Variants in POLM observed in about 807,000 individuals in gnomAD.
POLM encodes the protein DNA polymerase mu.
In POLM, 52 loss-of-function variants were observed where a neutral mutation model predicts 56.7. The ratio of observed to expected loss-of-function variants is 0.92; its 90% CI spans 0.73 to 1.15. The LOEUF is 1.15. Ranked by LOEUF, POLM falls within the 50% of genes most tolerant of loss-of-function variation. The probability of loss-of-function intolerance (pLI) is 0.00; values close to 1 mark genes in which losing one functional copy is unlikely to be tolerated. For synonymous variants in POLM, 273 were observed against 274.3 expected (o/e 1.00, Z 0.05); for missense variants, 660 against 663.6 (o/e 0.99, Z 0.06).
rs199923130 is a variant in POLM at position 44,074,470 on chromosome 7, T to G, written c.896A>C (p.Gln299Pro). ...CCCCACAGCTTCCTCCACCACCTGC[T>G]GCAGGGCATCTACATCGGACCGCAG... ...PVLRSDVDAL[Q>P]QVVEEAVGQA... Residue 299 changes from glutamine to proline, a missense_variant, in exon 7 of 11, where the codon CAG (glutamine) becomes CCG (proline). Transcript: ENST00000242248. 6.9e-6 allele frequency: 11 copies of G among 1,595,154 alleles called. No individual in the cohort carries two copies. Among genetic ancestry groups the G allele is most frequent in the Non-Finnish European group, 9.4e-6 (11 of 1,171,462 alleles).
At chr7:44,073,740 G>A (rs746743170) in intron 9 of POLM, 32 bp from the exon 10 acceptor site, 29 of 1,613,960 alleles carry the variant, frequency 1.8e-5, no homozygotes, top group Middle Eastern at 3.3e-4. Flanking sequence ...CAGCAGGGCT[G>A]GCCCAGCCCC....
At chr7:44,079,179 C>T (rs2096192219) in intron 4 of POLM, among the ~76,000 whole-genome samples, 2 of 152,212 alleles carry the variant, frequency 1.3e-5, no homozygotes, top group South Asian at 4.1e-4. Flanking sequence ...TTAAAAGCAT[C>T]TTCTGTCACT....
rs368597928 is a variant in POLM, at chr7:44,073,898, G to C, written c.1199C>G (p.Ala400Gly). The part of the protein sequence containing the change: ...CIFRLPQPPG[A>G]AVGGSTRPCP... Reference sequence around the variant, plus strand: ...GGGCCTCGTGGATCCCCCCACAGCAGCCCCTGGAGGTTGTGGTAGGCGGAA... The same window carrying C: ...GGGCCTCGTGGATCCCCCCACAGCACCCCCTGGAGGTTGTGGTAGGCGGAA... The change falls in exon 9 of 11, where the codon GCT (alanine) becomes GGT (glycine). Residue 400 changes from alanine to glycine, a missense_variant. Coordinates refer to ENST00000242248, the MANE Select transcript of POLM (RefSeq NM_013284.4). The C allele has an allele frequency of 8.7e-5, 140 of 1,614,130 alleles. No individual in the cohort carries two copies. Among genetic ancestry groups the C allele is most frequent in the Non-Finnish European group, 1.1e-4 (129 of 1,180,044 alleles).
At position 44,080,015 on chromosome 7, in the gene POLM, A is replaced by G; in HGVS notation, c.373-56T>C. On this transcript the variant is annotated intron_variant, in intron 2 of 10. Transcript: ENST00000242248. ...AGGCTGCAGGGCTGGCAGGAGAGCC[A>G]GGCCGTACTCAGGCTTTGTTTCTCC... The G allele has an allele frequency of 3.1e-6, 4 of 1,292,212 alleles. No homozygotes were observed. The South Asian group carries it at 4.8e-5, about 16-fold the overall frequency. 80.0% of individuals were successfully genotyped at this position (1,292,212 alleles called of 1,614,324 possible).
chr7:44,073,789 G>C lies in POLM; in HGVS notation c.1308C>G (p.Gly436=), dbSNP rs761040422. ...QFPFALLGWT[G]SKLFQRELRR... ...CCAGCGGCACACTGCCTACCTTGGA[G>C]CCAGTCCAACCGAGCAGGGCGAAAG... Residue 436 remains glycine, a synonymous_variant, in exon 9 of 11, where the codon GGC becomes GGG. Coordinates refer to ENST00000242248, the MANE Select transcript of POLM (RefSeq NM_013284.4). 1 of 1,614,108 alleles carries C rather than the reference G, an allele frequency of 6.2e-7. No individual in the cohort carries two copies. The highest frequency in any genetic ancestry group is 8.5e-7 in the Non-Finnish European group (1 of 1,179,956).
intron 1 of POLM, 23 bp downstream of exon 1, chr7:44,082,228 C>G: frequency 7.0e-7 from 1 of 1,424,948 alleles, no homozygotes; most frequent in Non-Finnish European, 9.1e-7. Context: ...TGGAAGCCCT[C>G]GCCGCGCCGC....
chr7:44,072,904 C>A lies in POLM; in HGVS notation c.*387G>T. The A allele has an allele frequency of 2.0e-6, 1 of 492,822 alleles. No homozygotes were observed. The highest frequency in any genetic ancestry group is 3.6e-6 in the Non-Finnish European group (1 of 281,640). 30.5% of individuals were successfully genotyped at this position (492,822 alleles called of 1,614,324 possible). On this transcript the variant is annotated 3_prime_UTR_variant, in exon 11 of 11. Coordinates refer to ENST00000242248, the MANE Select transcript of POLM (RefSeq NM_013284.4). ...TCTGGGCAGGGTGCCCTGCAGGAGCCACAGTTAACTGCAGTGCAACTAATG... is the reference window on the plus strand; with the variant it reads ...TCTGGGCAGGGTGCCCTGCAGGAGCAACAGTTAACTGCAGTGCAACTAATG...
chr7:44,076,812 G>A (rs1396080873), intron 5 of POLM, 183 bp from the exon 6 acceptor site: 15 of 679,038 alleles, frequency 2.2e-5, no homozygotes, highest in South Asian at 3.8e-5. Context: ...CCAGCCTGCC[G>A]TCTCTGGGAA....
chr7:44,080,343 C>T (rs1351039942), intron 2 of POLM: 3 of 541,350 alleles, frequency 5.5e-6, no homozygotes, highest in African/African-American at 1.9e-5. Context: ...TGAAGGCAGG[C>T]AACCTGGCCC....
chr7:44,074,284 G>T (rs755417405), intron 7 of POLM, 51 bp from the exon 8 acceptor site: 1 of 1,542,920 alleles, frequency 6.5e-7, no homozygotes. Flanking sequence ...GCTCACTCCA[G>T]CCCCAGGCCA....
At position 44,076,576 on chromosome 7, in the gene POLM, C is replaced by G; in HGVS notation, c.768G>C (p.Arg256=). 1 of 1,614,152 alleles carries G rather than the reference C, an allele frequency of 6.2e-7. No individual in the cohort carries two copies. Among genetic ancestry groups the G allele is most frequent in the Non-Finnish European group, 8.5e-7 (1 of 1,180,030 alleles). ...VGVKTADRWY[R]EGLRTLDDLR... ...GGTCATCTAAGGTTCGCAGTCCTTC[C>G]CGGTACCACCGGTCAGCAGTCTTCA... The change falls in exon 6 of 11, where the codon CGG becomes CGC. Residue 256 remains arginine, a synonymous_variant. Coordinates refer to ENST00000242248, the MANE Select transcript of POLM (RefSeq NM_013284.4).
rs1330354968 is a variant in POLM at position 44,080,836 on chromosome 7, G to C, written c.269C>G (p.Ala90Gly). The change falls in exon 2 of 11, where the codon GCT becomes GGT. Residue 90 changes from alanine (A) to glycine (G), a missense_variant. Physicochemically the swap from Ala to Gly is moderately conservative, Grantham distance 60 (BLOSUM62 0). Transcript: ENST00000242248. The part of the protein sequence containing the change: ...VSWQERRMAA[A>G]PPGCTPPALL... ...AGCTGGGGGGGTGCAACCCGGGGGAGCAGCTGCCATCCTGCGCTCCTGCCA... is the reference window on the plus strand; with the variant it reads ...AGCTGGGGGGGTGCAACCCGGGGGACCAGCTGCCATCCTGCGCTCCTGCCA... The C allele has an allele frequency of 6.2e-7, 1 of 1,612,368 alleles. No individual in the cohort carries two copies. The highest frequency in any genetic ancestry group is 1.3e-5 in the African/African-American group (1 of 74,886).
intron 2 of POLM, chr7:44,080,410 G>A: frequency 1.8e-6 from 1 of 567,960 alleles, no homozygotes. Flanking sequence ...ACAGGCTCCT[G>A]CTAACCCATG....
intron 6 of POLM, chr7:44,076,228 C>T: frequency 2.7e-6 from 1 of 367,936 alleles, no homozygotes; most frequent in Non-Finnish European, 5.1e-6. Flanking sequence ...GGGCAGTGTG[C>T]CCAAGGCCCA....
intron 2 of POLM, chr7:44,080,429 C>G (rs1455297156): frequency 1.7e-6 from 1 of 585,358 alleles, no homozygotes. Flanking sequence ...TGGGTCATCC[C>G]GCTCGGAGTT....
chr7:44,077,686 CCT>C (rs1001777637), intron 5 of POLM, among the ~76,000 whole-genome samples: 3 of 152,146 alleles, frequency 2.0e-5, no homozygotes, highest in Non-Finnish European at 4.4e-5. Flanking sequence ...CATCTGGTCC[CCT>C]GTCCCTGCCA....
Position 44,073,393 on chromosome 7 carries a change from G to C in POLM, c.1399-16C>G, listed in dbSNP as rs1183235456. On this transcript the variant is annotated splice_polypyrimidine_tract_variant and intron_variant, in intron 10 of 10. Coordinates refer to ENST00000242248, the MANE Select transcript of POLM (RefSeq NM_013284.4). ...AAAATGTCTTCTGCAACAGAAGCAGGACTTCCGTGACCTAGGAGTCTTGCC... is the reference window on the plus strand; with the variant it reads ...AAAATGTCTTCTGCAACAGAAGCAGCACTTCCGTGACCTAGGAGTCTTGCC... 2 of 1,612,250 alleles carry C rather than the reference G, an allele frequency of 1.2e-6. No homozygotes were observed. The highest frequency in any genetic ancestry group is 1.7e-6 in the Non-Finnish European group (2 of 1,179,334).
rs555933896 is a variant in POLM, at chr7:44,075,179, T to C, written c.836-649A>G. Among the ~76,000 whole-genome samples, 31 of 152,262 alleles carry C rather than the reference T, an allele frequency of 2.0e-4. No individual in the cohort carries two copies. In the South Asian group the frequency reaches 5.6e-3, roughly 28 times the overall value. ...GATTCTCCTGCCTCAGCCTCCCGAG[T>C]AGCTGAGATTACGGGTGTCTGCCAC... On this transcript the variant is annotated intron_variant, in intron 6 of 10. Coordinates refer to ENST00000242248, the MANE Select transcript of POLM (RefSeq NM_013284.4).
intron 5 of POLM, among the ~76,000 whole-genome samples, chr7:44,077,619 A>G (rs2096187288): frequency 6.6e-6 from 1 of 152,150 alleles, no homozygotes; most frequent in African/African-American, 2.4e-5. Context: ...CACCACTTCA[A>G]GGGGATTTCA....
Sources: gnomAD v4.1 joint callset for allele counts (sites outside exome capture counted in the v4.1 genomes callset) on GRCh38, gnomAD v4.1.1 for gene constraint, MANE v1.5 for transcripts, NCBI Gene and HGNC (gene_info 2026-07-23, HGNC 2026-07-21) for gene names.